CNTNAP5: variants seen among roughly 807,000 people sequenced by gnomAD.
The protein encoded by CNTNAP5 is contactin-associated protein-like 5.
A neutral mutation model predicts 150.2 loss-of-function variants in CNTNAP5; 72 were observed. That is an observed-to-expected ratio of 0.48 (90% CI 0.40 to 0.58). The LOEUF is 0.58. Ranked by LOEUF, CNTNAP5 falls within the 20% of genes least tolerant of loss-of-function variation. The probability of loss-of-function intolerance (pLI) is 0.00; values close to 1 mark genes in which losing one functional copy is unlikely to be tolerated. For missense variants in CNTNAP5, 1,636 were observed against 1,626.2 expected, an observed-to-expected ratio of 1.01 and a Z score of -0.10; for synonymous variants, 672 against 619.8, an observed-to-expected ratio of 1.08 and a Z score of -1.25.
chr2:124,233,881 A>G (rs1410226771), intron 2 of CNTNAP5, among the ~76,000 whole-genome samples: 1 of 151,902 alleles, frequency 6.6e-6, no homozygotes, highest in Non-Finnish European at 1.5e-5. Context: ...CAAAGTCACA[A>G]GGTAGAAAGT....
At chr2:124,779,532 C>T (rs1012395156) in intron 17 of CNTNAP5, among the ~76,000 whole-genome samples, 3 of 151,958 alleles carry the variant, frequency 2.0e-5, no homozygotes, top group Non-Finnish European at 4.4e-5. Context: ...CACACACATA[C>T]ACACACACAC....
intron 19 of CNTNAP5, among the ~76,000 whole-genome samples, chr2:124,839,626 T>C (rs945768523): frequency 6.6e-6 from 1 of 152,138 alleles, no homozygotes; most frequent in Non-Finnish European, 1.5e-5. Context: ...TTTTGATTTT[T>C]CTAAAATACA....
chr2:124,167,844 T>C (rs1430654117), intron 1 of CNTNAP5, among the ~76,000 whole-genome samples: 1 of 151,774 alleles, frequency 6.6e-6, no homozygotes, highest in African/African-American at 2.4e-5. Flanking sequence ...ACAAGTAGGA[T>C]CCCAAGTGGT....
At chr2:124,455,629 C>T (rs1022096297) in intron 6 of CNTNAP5, among the ~76,000 whole-genome samples, 2 of 152,102 alleles carry the variant, frequency 1.3e-5, no homozygotes, top group African/African-American at 4.8e-5. Context: ...AAACTACATA[C>T]CAATATCCCT....
chr2:124,392,085 C>A (rs1015972231), intron 3 of CNTNAP5, among the ~76,000 whole-genome samples: 1 of 152,162 alleles, frequency 6.6e-6, no homozygotes, highest in African/African-American at 2.4e-5. Flanking sequence ...AAGGACACAG[C>A]ACAAAGTGAC....
Position 124,763,715 on chromosome 2 carries a change from G to T in CNTNAP5, c.2278G>T (p.Val760Phe), listed in dbSNP as rs1681006863. The change falls in exon 15 of 24, where the codon GTC becomes TTC. Residue 760 changes from valine (V) to phenylalanine (F), a missense_variant. Physicochemically the swap from Val to Phe is conservative, Grantham distance 50. Coordinates refer to ENST00000682447, the MANE Select transcript of CNTNAP5 (RefSeq NM_001367498.1). Reference protein sequence around the residue: ...GFLSFKDHLPVTQIVITDTDR... With the variant: ...GFLSFKDHLPFTQIVITDTDR... ...TCTTTCCTTCAAAGACCACTTGCCT[G>T]TCACTCAGATAGTTATCACTGATAC... 6.2e-7 allele frequency: 1 copy of T among 1,612,798 alleles called. No individual in the cohort carries two copies. The highest frequency in any genetic ancestry group is 8.5e-7 in the Non-Finnish European group (1 of 1,179,360).
Position 124,025,724 on chromosome 2 carries a change from C to G in CNTNAP5, c.74C>G (p.Ala25Gly). ...GGCTTGTGGCATTTAGGATTAACAG[C>G]GACAAACTGTGAGTACGAGGAGCTG... The part of the protein sequence containing the change: ...FSGLWHLGLT[A>G]TNYNCDDPLA... Residue 25 changes from alanine (A) to glycine (G), a missense_variant, in exon 1 of 24, where the codon GCG becomes GGG. Ala to Gly is a moderately conservative substitution (Grantham distance 60, BLOSUM62 0). Coordinates refer to ENST00000682447, the MANE Select transcript of CNTNAP5 (RefSeq NM_001367498.1). 1 of 1,612,624 alleles carries G rather than the reference C, an allele frequency of 6.2e-7. No homozygotes were observed.
intron 1 of CNTNAP5, among the ~76,000 whole-genome samples, chr2:124,134,798 C>T (rs552174790): frequency 6.6e-6 from 1 of 152,342 alleles, no homozygotes; most frequent in Admixed American, 6.5e-5. Flanking sequence ...TTCCCCAAGA[C>T]TCTATCCTCC....
At chr2:124,136,901 G>A (rs999937280) in intron 1 of CNTNAP5, among the ~76,000 whole-genome samples, 3 of 152,202 alleles carry the variant, frequency 2.0e-5, no homozygotes, top group African/African-American at 7.2e-5. Flanking sequence ...TTTTGTCATT[G>A]TATATGCAGT....
chr2:124,068,958 G>T (rs1452646986), intron 1 of CNTNAP5, among the ~76,000 whole-genome samples: 1 of 151,930 alleles, frequency 6.6e-6, no homozygotes, highest in Non-Finnish European at 1.5e-5. Flanking sequence ...GTATACCATG[G>T]GCCTTGGGAG....
chr2:124,713,248 T>A (rs1030072163), intron 13 of CNTNAP5, among the ~76,000 whole-genome samples: 3 of 98,606 alleles, frequency 3.0e-5, no homozygotes, highest in Admixed American at 2.0e-4. Context: ...TCTTTCTCTT[T>A]CTTTCTTTCT....
In CNTNAP5 at chr2:124,352,477, C is replaced by T. The variant is rs1031245574; in HGVS notation, c.382-64966C>T. 8.5e-5 allele frequency among the ~76,000 whole-genome samples: 13 copies of T among 152,174 alleles called. 1 individual carries two copies. The highest frequency in any genetic ancestry group is 4.1e-4 in the South Asian group (2 of 4,822). ...TGTGAAAGACAAAACAGTGCCTGGA[C>T]GCAGAGAAATACCAAGTCTAGATGA... On this transcript the variant is annotated intron_variant, in intron 3 of 23. Transcript: ENST00000682447.
intron 7 of CNTNAP5, among the ~76,000 whole-genome samples, chr2:124,476,977 A>T (rs1177213893): frequency 6.6e-6 from 1 of 152,110 alleles, no homozygotes; most frequent in African/African-American, 2.4e-5. Flanking sequence ...AAATCCAGAG[A>T]ATTCTCCACT....
rs552767556 is a variant in CNTNAP5 at position 124,902,718 on chromosome 2, G to A, written c.3437-164G>A. Reference sequence around the variant, plus strand: ...TATTGATGCTTGCATTGGGAGTGGAGGTGGGGAAAGGAGATAAAGAGAGAT... The same window carrying A: ...TATTGATGCTTGCATTGGGAGTGGAAGTGGGGAAAGGAGATAAAGAGAGAT... On this transcript the variant is annotated intron_variant, in intron 21 of 23. Transcript: ENST00000682447. 1.4e-3 allele frequency among the ~76,000 whole-genome samples: 215 copies of A among 152,160 alleles called. 1 individual carries two copies. The highest frequency in any genetic ancestry group is 0.014 in the Middle Eastern group (4 of 294).
At chr2:124,795,706 T>A (rs1056033262) in intron 18 of CNTNAP5, among the ~76,000 whole-genome samples, 1 of 152,082 alleles carries the variant, frequency 6.6e-6, no homozygotes, top group Admixed American at 6.6e-5. Flanking sequence ...TTAGTAGAAA[T>A]GGGGTTTTGC....
intron 1 of CNTNAP5, among the ~76,000 whole-genome samples, chr2:124,057,151 T>C (rs1262407500): frequency 6.6e-6 from 1 of 152,150 alleles, no homozygotes; most frequent in Non-Finnish European, 1.5e-5. Context: ...GGCTCAGTTC[T>C]TTACCCAATT....
At chr2:124,897,735 A>C in intron 21 of CNTNAP5, among the ~76,000 whole-genome samples, 1 of 151,604 alleles carries the variant, frequency 6.6e-6, no homozygotes, top group East Asian at 1.9e-4. Flanking sequence ...GCCTATGGCC[A>C]TGAAACCTAG....
rs961495603 is a variant in CNTNAP5, at chr2:124,230,536, A to T, written c.187+8727A>T. 4.1e-3 allele frequency among the ~76,000 whole-genome samples: 582 copies of T among 140,684 alleles called. 4 individuals are homozygous for T. The highest frequency in any genetic ancestry group is 0.016 in the African/African-American group (552 of 35,544). 92.3% of individuals were successfully genotyped at this position (140,684 alleles called of 152,430 possible). On this transcript the variant is annotated intron_variant, in intron 2 of 23. Transcript: ENST00000682447. ...TGTATATATATATATATAAATTATT[A>T]TTTTTTTTTTCTTGAGACAGAGTCT...
intron 16 of CNTNAP5, among the ~76,000 whole-genome samples, chr2:124,765,567 AAG>A (rs1307528279): frequency 6.6e-6 from 1 of 152,202 alleles, no homozygotes; most frequent in Non-Finnish European, 1.5e-5. Context: ...ATTAAGTGGA[AAG>A]AGAGAAAACA....
Sources: allele counts gnomAD v4.1 joint callset (sites outside exome capture counted in the v4.1 genomes callset), GRCh38; gene constraint gnomAD v4.1.1; transcripts MANE v1.5; gene names NCBI Gene and HGNC (gene_info 2026-07-23, HGNC 2026-07-21).